The following MASP1 variants were observed in gnomAD, a reference collection of about 807,000 sequenced individuals.
MASP1 encodes MBL associated serine protease 1, also known as mannan-binding lectin serine protease 1.
A neutral mutation model predicts 77.1 loss-of-function variants in MASP1; 59 were observed. The observed-to-expected ratio is 0.77, with a 90% CI of 0.62 to 0.95. The LOEUF is 0.95. MASP1 is among the 40% of genes least tolerant of loss of function. The probability of loss-of-function intolerance (pLI) is 0.00; values close to 1 mark genes in which losing one functional copy is unlikely to be tolerated. For synonymous variants in MASP1, 362 were observed against 354.5 expected (o/e 1.02, Z -0.24); for missense variants, 885 against 912.9 (o/e 0.97, Z 0.39).
chr3:187,225,563 C>T (rs1375857213), intron 12 of MASP1: 3 of 1,587,650 alleles, frequency 1.9e-6, no homozygotes, highest in African/African-American at 2.7e-5. Context: ...TAAGGTCACA[C>T]CTTGTTCCCT....
chr3:187,224,356 T>A (rs906350065), intron 13 of MASP1, among the ~76,000 whole-genome samples: 11 of 145,224 alleles, frequency 7.6e-5, no homozygotes, highest in African/African-American at 2.7e-4. Context: ...TTTTTTTTTT[T>A]TTTTTTTTGA....
chr3:187,260,446 T>C (rs1380201145), intron 4 of MASP1, among the ~76,000 whole-genome samples: 1 of 152,156 alleles, frequency 6.6e-6, no homozygotes, highest in Non-Finnish European at 1.5e-5. Flanking sequence ...TCCCCTAACT[T>C]GACCAGACCA....
intron 13 of MASP1, among the ~76,000 whole-genome samples, chr3:187,224,765 A>C (rs1308602543): frequency 6.6e-6 from 1 of 152,156 alleles, no homozygotes; most frequent in Non-Finnish European, 1.5e-5. Flanking sequence ...GGTTTCCTGA[A>C]AACAGGGGGC....
intron 2 of MASP1, among the ~76,000 whole-genome samples, chr3:187,280,920 G>A (rs950867805): frequency 5.3e-5 from 8 of 152,330 alleles, no homozygotes; most frequent in Admixed American, 2.6e-4. Flanking sequence ...TCAAGGCAAA[G>A]TAGACCTTAG....
chr3:187,241,801 A>G, intron 9 of MASP1: 1 of 436,346 alleles, frequency 2.3e-6, no homozygotes, highest in East Asian at 4.7e-5. Flanking sequence ...ATCTTCAAAT[A>G]CCCACAGGGC....
At chr3:187,220,708 GA>G (rs2108497417) in intron 15 of MASP1, among the ~76,000 whole-genome samples, 1 of 152,074 alleles carries the variant, frequency 6.6e-6, no homozygotes, top group African/African-American at 2.4e-5. Flanking sequence ...ATGTTAGCAA[GA>G]CTGGTCTCGA....
chr3:187,258,804 C>G (rs1715319226), intron 4 of MASP1, among the ~76,000 whole-genome samples: 1 of 152,180 alleles, frequency 6.6e-6, no homozygotes, highest in South Asian at 2.1e-4. Flanking sequence ...GTTTCTGTAC[C>G]TGACTTCCAT....
At chr3:187,246,578 T>G in intron 8 of MASP1, 5 of 985,656 alleles carry the variant, frequency 5.1e-6, no homozygotes, top group Non-Finnish European at 6.0e-6. Context: ...GAAGCAGAGA[T>G]TCCAGCTGCC....
At chr3:187,228,523 A>T (rs996254544) in intron 11 of MASP1, among the ~76,000 whole-genome samples, 1 of 151,922 alleles carries the variant, frequency 6.6e-6, no homozygotes, top group African/African-American at 2.4e-5. Flanking sequence ...TGTGCCCGCC[A>T]GTACCTCCTC....
intron 2 of MASP1, among the ~76,000 whole-genome samples, chr3:187,274,080 C>T (rs1716754493): frequency 6.6e-6 from 1 of 151,996 alleles, no homozygotes; most frequent in Non-Finnish European, 1.5e-5. Flanking sequence ...TCCTGGCGGG[C>T]ACCTGTAATC....
At chr3:187,291,580 C>T (rs750927208) in intron 1 of MASP1, 48 bp downstream of exon 1, 2 of 1,613,434 alleles carry the variant, frequency 1.2e-6, no homozygotes, top group South Asian at 1.1e-5. Context: ...TGCTATTTGA[C>T]ACTGGTCCCC....
In MASP1 at chr3:187,262,659, T is replaced by C; in HGVS notation, c.299A>G (p.Gln100Arg). The change falls in exon 3 of 11, where the codon CAG (glutamine) becomes CGG (arginine). Residue 100 changes from glutamine to arginine, a missense_variant. Transcript: ENST00000296280. ...FCGRETTDTEQTPGQEVVLSP... is the reference protein window; with the variant it reads ...FCGRETTDTERTPGQEVVLSP... ...GAGGACCACCTCCTGGCCGGGAGTCTGCTCTGTGTCTGTGGTCTCCCTGCC... is the reference window on the plus strand; with the variant it reads ...GAGGACCACCTCCTGGCCGGGAGTCCGCTCTGTGTCTGTGGTCTCCCTGCC... 1 of 1,614,178 alleles carries C rather than the reference T, an allele frequency of 6.2e-7. No homozygotes were observed. Among genetic ancestry groups the C allele is most frequent in the Non-Finnish European group, 8.5e-7 (1 of 1,180,014 alleles).
In MASP1 at chr3:187,251,662, C is replaced by T. The variant is rs375531937; in HGVS notation, c.983G>A (p.Ser328Asn). 1 of 1,614,184 alleles carries T rather than the reference C, an allele frequency of 6.2e-7. No individual in the cohort carries two copies. Among genetic ancestry groups the T allele is most frequent in the South Asian group, 1.1e-5 (1 of 91,084 alleles). Residue 328 changes from serine to asparagine, a missense_variant, in exon 7 of 11, where the codon AGC becomes AAC. Physicochemically the swap from Ser to Asn is conservative, Grantham distance 46. Transcript: ENST00000296280. ...CAGCACTTTGTAGCCTGTGTCACAGCTGACGAGCACTTGGTCTTTGAAGAA... is the reference window on the plus strand; with the variant it reads ...CAGCACTTTGTAGCCTGTGTCACAGTTGACGAGCACTTGGTCTTTGAAGAA... ...KYFFKDQVLV[S>N]CDTGYKVLKD...
chr3:187,288,369 T>A (rs1282515347), intron 1 of MASP1, among the ~76,000 whole-genome samples: 1 of 152,196 alleles, frequency 6.6e-6, no homozygotes, highest in African/African-American at 2.4e-5. Flanking sequence ...TTAACAGGGC[T>A]GGGAGTTCAG....
At chr3:187,229,940 C>T, downstream of MASP1, 1 of 1,611,746 alleles carries the variant, frequency 6.2e-7, no homozygotes, top group Non-Finnish European at 8.5e-7. Flanking sequence ...AGACTCTGGG[C>T]TCCATCTTGC....
At chr3:187,243,642 C>T in intron 8 of MASP1, 21 bp from the exon 9 acceptor site, 1 of 1,614,010 alleles carries the variant, frequency 6.2e-7, no homozygotes, top group Non-Finnish European at 8.5e-7. Flanking sequence ...AGAAGTGAGA[C>T]CCCTCAACTG....
intron 1 of MASP1, among the ~76,000 whole-genome samples, chr3:187,289,348 G>A (rs1718117949): frequency 6.6e-6 from 1 of 152,128 alleles, no homozygotes; most frequent in African/African-American, 2.4e-5. Flanking sequence ...GGGACTGCAT[G>A]GATCCTTTAC....
At chr3:187,249,419 CCTGA>C (rs1714374580) in intron 8 of MASP1, among the ~76,000 whole-genome samples, 1 of 152,160 alleles carries the variant, frequency 6.6e-6, no homozygotes, top group African/African-American at 2.4e-5. Flanking sequence ...CCCTTCCTTC[CCTGA>C]CTATTTCTGT....
intron 15 of MASP1, chr3:187,220,363 G>A (rs1175942528): frequency 9.5e-7 from 1 of 1,055,334 alleles, no homozygotes; most frequent in Non-Finnish European, 1.4e-6. Flanking sequence ...GGCACTAGAG[G>A]GCATAGCAGA....
Sources: gnomAD v4.1 joint callset for allele counts (sites outside exome capture counted in the v4.1 genomes callset) on GRCh38, gnomAD v4.1.1 for gene constraint, MANE v1.5 for transcripts, NCBI Gene and HGNC (gene_info 2026-07-23, HGNC 2026-07-21) for gene names.